The following KCNQ1 variants were observed in gnomAD, a reference collection of about 807,000 sequenced individuals.
The protein encoded by KCNQ1 is potassium voltage-gated channel subfamily Q member 1.
KCNQ1 carries 49 observed loss-of-function variants against 72.4 expected under a neutral mutation model. The observed-to-expected ratio is 0.68, with a 90% confidence interval of 0.54 to 0.86. The LOEUF (loss-of-function observed/expected upper bound fraction) is 0.86. Ranked by LOEUF, KCNQ1 falls within the 40% of genes least tolerant of loss-of-function variation. The pLI is 0.00. For synonymous variants in KCNQ1, 450 were observed against 412.6 expected (o/e 1.09, Z -1.10); for missense variants, 790 against 945.1 (o/e 0.84, Z 2.15).
chr11:2,650,949 G>T, intron 10 of KCNQ1: 1 of 397,734 alleles, frequency 2.5e-6, no homozygotes, highest in Non-Finnish European at 4.4e-6. Context: ...TTTTTTCTTA[G>T]TACCCCTTTC....
chr11:2,807,410 G>A (rs1847399382), intron 15 of KCNQ1, among the ~76,000 whole-genome samples: 1 of 152,218 alleles, frequency 6.6e-6, no homozygotes, highest in African/African-American at 2.4e-5. Flanking sequence ...TGGAGAGCGG[G>A]ACTGTGCCGC....
chr11:2,842,475 T>C (rs530605831), intron 15 of KCNQ1, among the ~76,000 whole-genome samples: 1 of 152,288 alleles, frequency 6.6e-6, no homozygotes, highest in East Asian at 1.9e-4. Flanking sequence ...GGTGCTCACC[T>C]CTGTGGCACA....
At chr11:2,616,478 A>G in intron 10 of KCNQ1, 1 of 397,794 alleles carries the variant, frequency 2.5e-6, no homozygotes, top group Admixed American at 4.4e-5. Flanking sequence ...CGTAAGGTAT[A>G]ATATTAGGTT....
At chr11:2,576,239 A>G (rs1848421084) in intron 6 of KCNQ1, among the ~76,000 whole-genome samples, 1 of 152,182 alleles carries the variant, frequency 6.6e-6, no homozygotes, top group Admixed American at 6.5e-5. Context: ...ACCAGTTTCC[A>G]CAGCTGTCCA....
In KCNQ1 at chr11:2,691,260, G is replaced by C; in HGVS notation, c.1514+29179G>C. The C allele has an allele frequency of 2.5e-6, 1 of 398,656 alleles. No homozygotes were observed. Among genetic ancestry groups the C allele is most frequent in the South Asian group, 1.3e-4 (1 of 7,858 alleles). The allele number at this position is 398,656 out of a possible 1,614,324, so 24.7% of individuals were successfully genotyped here. Reference sequence around the variant, plus strand: ...TTAACCCCTTGAGTCTCGGAAGGCTGTTTGAGCCACTAATCAGGAAGGAGA... The same window carrying C: ...TTAACCCCTTGAGTCTCGGAAGGCTCTTTGAGCCACTAATCAGGAAGGAGA... On this transcript the variant is annotated intron_variant, in intron 11 of 15. Coordinates refer to ENST00000155840, the MANE Select transcript of KCNQ1 (RefSeq NM_000218.3). This position sits in a 1 kb window ranked among gnomAD's most constrained non-coding sequence, Gnocchi z 6.4.
chr11:2,537,657 C>T lies in KCNQ1; in HGVS notation c.477+9639C>T, dbSNP rs117482246. Among the ~76,000 whole-genome samples the T allele has an allele frequency of 6.9e-3, 1,057 of 152,196 alleles. 10 individuals carry two copies. The highest frequency in any genetic ancestry group is 0.011 in the Non-Finnish European group (778 of 68,024). ...TTCATCTTCTGCCATTTGCTCTGCA[C>T]GTTTCTCTCTATATGCAAAAACCTA... On this transcript the variant is annotated intron_variant, in intron 2 of 15. Coordinates refer to ENST00000155840, the MANE Select transcript of KCNQ1 (RefSeq NM_000218.3). This position sits in a 1 kb window ranked among gnomAD's most constrained non-coding sequence, Gnocchi z 5.2.
intron 15 of KCNQ1, among the ~76,000 whole-genome samples, chr11:2,819,538 C>T (rs567824151): frequency 1.4e-4 from 22 of 152,350 alleles, no homozygotes; most frequent in African/African-American, 5.1e-4. Context: ...TGACTCAAGT[C>T]CAGCTGCTGA....
chr11:2,584,766 C>T (rs1848568333), intron 7 of KCNQ1, among the ~76,000 whole-genome samples: 1 of 152,104 alleles, frequency 6.6e-6, no homozygotes, highest in Non-Finnish European at 1.5e-5. Flanking sequence ...GTGATCTCCT[C>T]TGTAGACACG....
intron 2 of KCNQ1, among the ~76,000 whole-genome samples, chr11:2,534,314 G>A (rs1296509015): frequency 6.6e-6 from 1 of 152,266 alleles, no homozygotes; most frequent in Non-Finnish European, 1.5e-5. Context: ...CAGCTGCTCT[G>A]ATGAGGAGCC....
chr11:2,614,339 CT>C, intron 10 of KCNQ1: 1 of 398,520 alleles, frequency 2.5e-6, no homozygotes, highest in Non-Finnish European at 4.4e-6. Flanking sequence ...GCTTTTTAGT[CT>C]TCTGTGCACC....
intron 15 of KCNQ1, chr11:2,839,920 T>C (rs1187785186): frequency 6.6e-6 from 1 of 152,130 alleles, no homozygotes; most frequent in Non-Finnish European, 1.5e-5. Flanking sequence ...TATCAAAGCA[T>C]GTACAAGAGC....
rs762676094 is a variant in KCNQ1 at position 2,710,337 on chromosome 11, T to C, written c.1514+48256T>C. On this transcript the variant is annotated intron_variant, in intron 11 of 15. Transcript: ENST00000155840. The surrounding 1 kb of genome is among the most constrained non-coding windows in gnomAD (Gnocchi z 4.1). ...TTTTAATTGGGTTGTGTTTTTATTA[T>C]TTAGTAGAGTTCTTTATAGTCTAGA... Among the ~76,000 whole-genome samples, 5 of 152,246 alleles carry C rather than the reference T, an allele frequency of 3.3e-5. No individual in the cohort carries two copies. The highest frequency in any genetic ancestry group is 6.5e-5 in the Admixed American group (1 of 15,288).
intron 10 of KCNQ1, among the ~76,000 whole-genome samples, chr11:2,597,772 A>G (rs914575041): frequency 3.9e-5 from 6 of 152,190 alleles, no homozygotes; most frequent in African/African-American, 1.4e-4. Context: ...AGTCTGTTTT[A>G]TGATATGTTG....
In KCNQ1 at chr11:2,624,386, A is replaced by G. The variant is rs1289133676; in HGVS notation, c.1393+35532A>G. 17 of 398,376 alleles carry G rather than the reference A, an allele frequency of 4.3e-5. No individual in the cohort carries two copies. In the Admixed American group the frequency reaches 7.0e-4, roughly 17 times the overall value. 24.7% of individuals were successfully genotyped at this position (398,376 alleles called of 1,614,324 possible). On this transcript the variant is annotated intron_variant, in intron 10 of 15. Transcript: ENST00000155840. This position sits in a 1 kb window ranked among gnomAD's most constrained non-coding sequence, Gnocchi z 4.9. ...TGGCCTGTCCTTTCATCCTCTTGAC[A>G]GTATGTTTTACAGAGCAGAAACTTT...
intron 1 of KCNQ1, among the ~76,000 whole-genome samples, chr11:2,524,312 A>G (rs564527113): frequency 6.6e-6 from 1 of 152,300 alleles, no homozygotes; most frequent in South Asian, 2.1e-4. Context: ...CCCAGCCTCC[A>G]GGGACCCCAG....
rs539849224 is a variant in KCNQ1 at position 2,677,843 on chromosome 11, G to A, written c.1514+15762G>A. Reference sequence around the variant, plus strand: ...TGATAGATACTGCCAAATAAGGGCTGTACCATTTACATCACTTTGACTGCA... The same window carrying A: ...TGATAGATACTGCCAAATAAGGGCTATACCATTTACATCACTTTGACTGCA... On this transcript the variant is annotated intron_variant, in intron 11 of 15. Coordinates refer to ENST00000155840, the MANE Select transcript of KCNQ1 (RefSeq NM_000218.3). This position sits in a 1 kb window ranked among gnomAD's most constrained non-coding sequence, Gnocchi z 4.5. The A allele has an allele frequency of 5.5e-5, 22 of 398,440 alleles. No homozygotes were observed. In the East Asian group the frequency reaches 7.5e-4, roughly 14 times the overall value. 24.7% of individuals were successfully genotyped at this position (398,440 alleles called of 1,614,324 possible). A position where few individuals can be genotyped will look rare whatever the true frequency, so the allele number is the denominator to read the frequency against.
chr11:2,532,280 G>A (rs1847652661), intron 2 of KCNQ1, among the ~76,000 whole-genome samples: 1 of 152,220 alleles, frequency 6.6e-6, no homozygotes. Flanking sequence ...TCCTGGCCGT[G>A]CATGTCCCTC....
rs547707711 is a variant in KCNQ1 at position 2,446,850 on chromosome 11, G to A, written c.386+1366G>A. On this transcript the variant is annotated intron_variant, in intron 1 of 15. Transcript: ENST00000155840. This position sits in a 1 kb window ranked among gnomAD's most constrained non-coding sequence, Gnocchi z 8.8. ...TGGCTCTGCTCGTGGCTGCAACAGC[G>A]GGGGCTCGGCTTGGGGTTTGGGAGA... Among the ~76,000 whole-genome samples the A allele has an allele frequency of 4.6e-5, 7 of 152,342 alleles. No individual in the cohort carries two copies. The highest frequency in any genetic ancestry group is 3.9e-4 in the East Asian group (2 of 5,182).
At chr11:2,739,863 T>A (rs1846022033) in intron 11 of KCNQ1, among the ~76,000 whole-genome samples, 1 of 152,174 alleles carries the variant, frequency 6.6e-6, no homozygotes, top group Non-Finnish European at 1.5e-5. Context: ...TGGAGCAGTG[T>A]CCTAAGGGAG....
Sources: allele counts gnomAD v4.1 joint callset (sites outside exome capture counted in the v4.1 genomes callset), GRCh38; gene constraint gnomAD v4.1.1; non-coding constraint Gnocchi (gnomAD v3.1); transcripts MANE v1.5; gene names NCBI Gene and HGNC (gene_info 2026-07-23, HGNC 2026-07-21).